KATNBL1: variants seen among roughly 807,000 people sequenced by gnomAD.
KATNBL1 encodes the protein KATNB1-like protein 1.
Under a neutral mutation model 44.7 loss-of-function variants are expected in KATNBL1, and 28 were observed. The observed-to-expected ratio is 0.63, with a 90% CI of 0.46 to 0.86. KATNBL1 has a LOEUF of 0.86. KATNBL1 is among the 40% of genes least tolerant of loss of function. The probability of loss-of-function intolerance (pLI) is 0.00; values close to 1 mark genes in which losing one functional copy is unlikely to be tolerated. For synonymous variants in KATNBL1, 78 were observed against 114.9 expected (o/e 0.68, Z 2.06); for missense variants, 272 against 350.7 (o/e 0.78, Z 1.79).
intron 1 of KATNBL1, among the ~76,000 whole-genome samples, chr15:34,195,059 C>T (rs976483882): frequency 2.0e-5 from 3 of 152,154 alleles, no homozygotes; most frequent in Non-Finnish European, 4.4e-5. Context: ...GAACTAAAAA[C>T]GGAACCACTA....
Position 34,152,770 on chromosome 15 carries a change from G to T in KATNBL1, c.438+20C>A. On this transcript the variant is annotated intron_variant, in intron 4 of 9. Transcript: ENST00000256544. ...ACAGGAACAAAGTTAAACTAGATAT[G>T]AGTTAGAGAAAAGACTTACCTCAGA... The T allele has an allele frequency of 6.3e-7, 1 of 1,580,052 alleles. No homozygotes were observed. Among genetic ancestry groups the T allele is most frequent in the South Asian group, 1.1e-5 (1 of 87,526 alleles).
In KATNBL1 at chr15:34,142,144, G is replaced by A; in HGVS notation, c.*195C>T. ...CAATGAAATTGAAGCTGCTCCTTTT[G>A]GATATTTTTCCACTTCAATGTGAAG... On this transcript the variant is annotated 3_prime_UTR_variant, in exon 10 of 10. Transcript: ENST00000256544. 2.2e-6 allele frequency: 1 copy of A among 451,330 alleles called. No homozygotes were observed. Among genetic ancestry groups the A allele is most frequent in the Admixed American group, 4.5e-5 (1 of 22,014 alleles). 28.0% of individuals were successfully genotyped at this position (451,330 alleles called of 1,614,324 possible). A position where few individuals can be genotyped will look rare whatever the true frequency, so the allele number is the denominator to read the frequency against.
intron 1 of KATNBL1, among the ~76,000 whole-genome samples, chr15:34,168,759 CAA>C (rs1249744633): frequency 6.6e-6 from 1 of 152,212 alleles, no homozygotes; most frequent in Non-Finnish European, 1.5e-5. Flanking sequence ...ACAGTGCAAT[CAA>C]ATTAGACCTC....
intron 1 of KATNBL1, among the ~76,000 whole-genome samples, chr15:34,170,191 C>A (rs542673499): frequency 6.6e-6 from 1 of 152,172 alleles, no homozygotes; most frequent in African/African-American, 2.4e-5. Flanking sequence ...TAGAAAACCC[C>A]ATCATCTCAG....
chr15:34,186,319 T>G (rs1434671486), intron 1 of KATNBL1, among the ~76,000 whole-genome samples: 1 of 152,196 alleles, frequency 6.6e-6, no homozygotes, highest in African/African-American at 2.4e-5. Flanking sequence ...GAGGTCCCCA[T>G]GCCGCTGCAG....
At chr15:34,196,005 T>C (rs538537891) in intron 1 of KATNBL1, among the ~76,000 whole-genome samples, 1 of 152,266 alleles carries the variant, frequency 6.6e-6, no homozygotes, top group South Asian at 2.1e-4. Context: ...ATCTAAAATG[T>C]GTCTCAAAAT....
intron 1 of KATNBL1, among the ~76,000 whole-genome samples, chr15:34,207,007 T>C (rs1221790301): frequency 6.6e-6 from 1 of 151,008 alleles, no homozygotes; most frequent in African/African-American, 2.5e-5. Context: ...AGTGTAATGT[T>C]ATGATGCATC....
chr15:34,169,854 T>C (rs902312212), intron 1 of KATNBL1, among the ~76,000 whole-genome samples: 3 of 152,164 alleles, frequency 2.0e-5, no homozygotes, highest in Non-Finnish European at 4.4e-5. Context: ...ATTATCTCAA[T>C]AGATGCAGAA....
Position 34,152,885 on chromosome 15 carries a change from G to A in KATNBL1, c.343C>T (p.His115Tyr), listed in dbSNP as rs762746918. Residue 115 changes from histidine to tyrosine, a missense_variant, in exon 4 of 10, where the codon CAC (histidine) becomes TAC (tyrosine). This residue lies in a region of KATNBL1 where 111 missense variants were observed against 149.3 expected (regional missense o/e 0.74). Coordinates refer to ENST00000256544, the MANE Select transcript of KATNBL1 (RefSeq NM_024713.3). ...ACAGHLPEKL[H>Y]HDSRTYLVNS... is the part of the protein sequence containing the mutation. ...ACCAAATATGTTCGACTATCATGGT[G>A]TAATTTTTCAGGCAGGTGGCCTGCA... 2 of 1,613,960 alleles carry A rather than the reference G, an allele frequency of 1.2e-6. No homozygotes were observed. Among genetic ancestry groups the A allele is most frequent in the Middle Eastern group, 3.3e-4 (2 of 6,056 alleles).
chr15:34,207,935 CA>C (rs1472322878), intron 1 of KATNBL1, among the ~76,000 whole-genome samples: 1 of 152,162 alleles, frequency 6.6e-6, no homozygotes, highest in Admixed American at 6.5e-5. Context: ...ATAAATCCTG[CA>C]ATTGTTAGTT....
At chr15:34,191,979 C>T (rs1889887690) in intron 1 of KATNBL1, among the ~76,000 whole-genome samples, 1 of 150,224 alleles carries the variant, frequency 6.7e-6, no homozygotes, top group African/African-American at 2.4e-5. Context: ...AAAAATCCAT[C>T]CTACAGATAA....
At chr15:34,188,438 C>T (rs1429269754) in intron 1 of KATNBL1, among the ~76,000 whole-genome samples, 1 of 152,062 alleles carries the variant, frequency 6.6e-6, no homozygotes, top group Non-Finnish European at 1.5e-5. Context: ...TGCCTGTAAT[C>T]CCAGCTACTT....
At chr15:34,178,242 T>C (rs1889395889) in intron 1 of KATNBL1, among the ~76,000 whole-genome samples, 1 of 152,174 alleles carries the variant, frequency 6.6e-6, no homozygotes, top group African/African-American at 2.4e-5. Flanking sequence ...TGAAGCCAAA[T>C]AAGATGACAG....
At chr15:34,183,055 T>C (rs1283451285) in intron 1 of KATNBL1, among the ~76,000 whole-genome samples, 2 of 152,232 alleles carry the variant, frequency 1.3e-5, no homozygotes, top group Non-Finnish European at 2.9e-5. Context: ...CTGAGAAATA[T>C]GGCGCCCCTT....
chr15:34,143,053 A>G, intron 9 of KATNBL1: 1 of 1,254,354 alleles, frequency 8.0e-7, no homozygotes, highest in Non-Finnish European at 1.0e-6. Flanking sequence ...AAATTAATTG[A>G]TGGTTTAATT....
At position 34,154,957 on chromosome 15, in the gene KATNBL1, G is replaced by A. The variant is rs1454137318; in HGVS notation, c.118-273C>T. On this transcript the variant is annotated intron_variant, in intron 2 of 9. Transcript: ENST00000256544. ...TAATTCTGATAGGCTATCTGGGTAT[G>A]AGGCAGAGTGGCGGGGTGAGCAGTT... 19 of 416,278 alleles carry A rather than the reference G, an allele frequency of 4.6e-5. No homozygotes were observed. The East Asian group carries it at 8.5e-4, about 19-fold the overall frequency. The allele number at this position is 416,278 out of a possible 1,614,324, so 25.8% of individuals were successfully genotyped here. A position where few individuals can be genotyped will look rare whatever the true frequency, so the allele number is the denominator to read the frequency against.
At chr15:34,192,197 G>T (rs1889893547) in intron 1 of KATNBL1, among the ~76,000 whole-genome samples, 1 of 151,898 alleles carries the variant, frequency 6.6e-6, no homozygotes, top group Admixed American at 6.6e-5. Context: ...CAGGTCAGGA[G>T]ATCGAGACCA....
chr15:34,167,076 A>G (rs1022987147), intron 1 of KATNBL1, among the ~76,000 whole-genome samples: 4 of 152,224 alleles, frequency 2.6e-5, no homozygotes, highest in African/African-American at 9.6e-5. Flanking sequence ...GCAAGAGAAC[A>G]AAACTGGATG....
chr15:34,178,755 C>A (rs1316727847), intron 1 of KATNBL1, among the ~76,000 whole-genome samples: 67 of 122,678 alleles, frequency 5.5e-4, no homozygotes, highest in African/African-American at 1.3e-3. Flanking sequence ...GACTCTGTCT[C>A]AAAAAAAAAA....
Sources: allele counts gnomAD v4.1 joint callset (sites outside exome capture counted in the v4.1 genomes callset), GRCh38; gene constraint gnomAD v4.1.1; regional missense constraint gnomAD v4.1.1; transcripts MANE v1.5; gene names NCBI Gene and HGNC (gene_info 2026-07-23, HGNC 2026-07-21).